MRTFA: variants seen among roughly 807,000 people sequenced by gnomAD.
MRTFA encodes myocardin-related transcription factor A.
Under a neutral mutation model 83.5 loss-of-function variants are expected in MRTFA, and 20 were observed. That is an observed-to-expected ratio of 0.24 (90% CI 0.17 to 0.35). MRTFA has a LOEUF of 0.35. Ranked by LOEUF, MRTFA falls within the 10% of genes least tolerant of loss-of-function variation. The probability of loss-of-function intolerance (pLI) is 1.00; values close to 1 mark genes in which losing one functional copy is unlikely to be tolerated. For missense variants in MRTFA, 1,200 were observed against 1,224.7 expected (o/e 0.98, Z 0.30); for synonymous variants, 659 against 541.2 (o/e 1.22, Z -3.02).
At chr22:40,428,451 T>A (rs1230601448) in intron 7 of MRTFA, among the ~76,000 whole-genome samples, 1 of 152,162 alleles carries the variant, frequency 6.6e-6, no homozygotes, top group Non-Finnish European at 1.5e-5. Context: ...ACTAAAGGAA[T>A]CAAGTCCAAA....
intron 11 of MRTFA, among the ~76,000 whole-genome samples, chr22:40,420,122 A>T (rs2052797236): frequency 1.3e-5 from 2 of 152,222 alleles, no homozygotes; most frequent in African/African-American, 4.8e-5. Context: ...AAGTCGAGGA[A>T]GATAAGAGAC....
intron 4 of MRTFA, among the ~76,000 whole-genome samples, chr22:40,460,762 C>T (rs1453227054): frequency 2.0e-5 from 3 of 152,176 alleles, no homozygotes; most frequent in Non-Finnish European, 4.4e-5. Flanking sequence ...AGCCACCTAA[C>T]ACTTTAAGAA....
intron 4 of MRTFA, among the ~76,000 whole-genome samples, chr22:40,456,017 G>A (rs755929538): frequency 3.3e-5 from 5 of 152,124 alleles, no homozygotes; most frequent in Admixed American, 1.3e-4. Flanking sequence ...AGTAGAGACT[G>A]GGTTTCGCCA....
chr22:40,636,047 G>A (rs2056694257), intron 1 of MRTFA, among the ~76,000 whole-genome samples: 1 of 152,244 alleles, frequency 6.6e-6, no homozygotes, highest in Admixed American at 6.5e-5. Context: ...GCACCAACAA[G>A]TCCAGCTGAG....
intron 3 of MRTFA, among the ~76,000 whole-genome samples, chr22:40,548,358 CAAAAAA>C (rs10664022): frequency 1.5e-5 from 1 of 66,150 alleles, no homozygotes; most frequent in African/African-American, 6.8e-5. Flanking sequence ...GACTCCGTCT[CAAAAAA>C]AAAAAAAAAA....
chr22:40,601,150 T>G (rs966253629), intron 1 of MRTFA, among the ~76,000 whole-genome samples: 1 of 152,148 alleles, frequency 6.6e-6, no homozygotes. Flanking sequence ...TCCAGAGAAG[T>G]AGATATAGCT....
At chr22:40,587,145 G>T in intron 2 of MRTFA, 1 of 457,982 alleles carries the variant, frequency 2.2e-6, no homozygotes. Context: ...TCAAGATTCT[G>T]CTAAGGTCTG....
At chr22:40,483,423 C>T (rs2054123234) in intron 3 of MRTFA, among the ~76,000 whole-genome samples, 1 of 150,198 alleles carries the variant, frequency 6.7e-6, no homozygotes, top group South Asian at 2.1e-4. Context: ...CAATGGCTCA[C>T]GCCTGTAATC....
At chr22:40,562,414 C>A (rs1046055008) in intron 2 of MRTFA, among the ~76,000 whole-genome samples, 1 of 151,120 alleles carries the variant, frequency 6.6e-6, no homozygotes, top group Non-Finnish European at 1.5e-5. Flanking sequence ...AGGTTAATAC[C>A]ATATGGAGCA....
At chr22:40,487,411 C>A (rs2147195311) in intron 3 of MRTFA, among the ~76,000 whole-genome samples, 1 of 152,224 alleles carries the variant, frequency 6.6e-6, no homozygotes, top group South Asian at 2.1e-4. Context: ...TCATTATACC[C>A]ACTACTACAC....
intron 3 of MRTFA, among the ~76,000 whole-genome samples, chr22:40,506,631 A>C (rs2054584781): frequency 6.6e-6 from 1 of 152,190 alleles, no homozygotes; most frequent in Non-Finnish European, 1.5e-5. Flanking sequence ...CTTGTTAAGA[A>C]TCTTAGGCAA....
intron 3 of MRTFA, among the ~76,000 whole-genome samples, chr22:40,524,080 C>T (rs1298867106): frequency 6.6e-6 from 1 of 152,120 alleles, no homozygotes; most frequent in East Asian, 1.9e-4. Flanking sequence ...CAGAAATGCA[C>T]TTTCAAAAAA....
At chr22:40,419,492 T>A in intron 11 of MRTFA, 108 bp from the exon 12 acceptor site, 1 of 943,456 alleles carries the variant, frequency 1.1e-6, no homozygotes, top group Non-Finnish European at 1.6e-6. Context: ...ATGCATCAAC[T>A]ACCCTAATCC....
At chr22:40,452,744 T>C (rs946694265) in intron 4 of MRTFA, among the ~76,000 whole-genome samples, 1 of 149,756 alleles carries the variant, frequency 6.7e-6, no homozygotes, top group South Asian at 2.1e-4. Context: ...AGGCAGAGGA[T>C]TCAGTGAGCC....
At chr22:40,578,493 G>A (rs568837803) in intron 2 of MRTFA, among the ~76,000 whole-genome samples, 14 of 152,266 alleles carry the variant, frequency 9.2e-5, no homozygotes, top group South Asian at 2.1e-4. Flanking sequence ...AGGGCCAGGC[G>A]CAGTGGCTCA....
At chr22:40,444,146 AACAT>A (rs1165590341) in intron 4 of MRTFA, among the ~76,000 whole-genome samples, 2 of 152,224 alleles carry the variant, frequency 1.3e-5, no homozygotes, top group Non-Finnish European at 2.9e-5. Flanking sequence ...AACAGGAAAG[AACAT>A]ACAGAGACTC....
In MRTFA at chr22:40,429,264, T is replaced by C. The variant is rs1201638623; in HGVS notation, c.601+342A>G. ...TAAAGAGTATGACACAGATTTCTAATTCCTGGCATCTCCACATGTTCACAC... is the reference window on the plus strand; with the variant it reads ...TAAAGAGTATGACACAGATTTCTAACTCCTGGCATCTCCACATGTTCACAC... On this transcript the variant is annotated intron_variant, in intron 7 of 14. Transcript: ENST00000355630. 8.3e-6 allele frequency: 5 copies of C among 599,084 alleles called. No individual in the cohort carries two copies. The African/African-American group carries it at 9.3e-5, about 11-fold the overall frequency. 37.1% of individuals were successfully genotyped at this position (599,084 alleles called of 1,614,324 possible).
intron 3 of MRTFA, among the ~76,000 whole-genome samples, chr22:40,500,150 C>T (rs192064229): frequency 2.7e-5 from 4 of 150,668 alleles, no homozygotes; most frequent in African/African-American, 4.8e-5. Context: ...AGGCTGGTCT[C>T]GAACTCCTGA....
chr22:40,517,990 C>T (rs1356798293), intron 3 of MRTFA, among the ~76,000 whole-genome samples: 1 of 152,138 alleles, frequency 6.6e-6, no homozygotes, highest in Non-Finnish European at 1.5e-5. Context: ...GTTTGGAGAG[C>T]TTCCAGACTG....
Sources: gnomAD v4.1 joint callset for allele counts (sites outside exome capture counted in the v4.1 genomes callset) on GRCh38, gnomAD v4.1.1 for gene constraint, MANE v1.5 for transcripts, NCBI Gene and HGNC (gene_info 2026-07-23, HGNC 2026-07-21) for gene names.